Variants in UMODL1 observed in about 807,000 individuals in gnomAD.
UMODL1 encodes the protein uromodulin like 1.
UMODL1 carries 128 observed loss-of-function variants against 136.3 expected under a neutral mutation model. The ratio of observed to expected loss-of-function variants is 0.94; its 90% CI spans 0.81 to 1.09. UMODL1 has a LOEUF of 1.09. UMODL1 is among the 50% of genes least tolerant of loss of function. The pLI, the probability that UMODL1 is intolerant of heterozygous loss-of-function variation, is 0.00. For synonymous variants in UMODL1, 721 were observed against 720.0 expected (o/e 1.00, Z -0.02); for missense variants, 1,766 against 1,725.6 (o/e 1.02, Z -0.41).
Position 42,076,183 on chromosome 21 carries a change from C to T in UMODL1, c.255C>T (p.Pro85=), listed in dbSNP as rs1537116. Residue 85 remains proline (P), a synonymous_variant, in exon 2 of 23, where the codon CCC becomes CCT. Transcript: ENST00000408910. ...CACAGTACCTGGTAGTGGAGGTCCC[C>T]GAGTCCAGGAACGTGACTGACTGCT... ...YRTQYLVVEV[P]ESRNVTDCCE... The T allele has an allele frequency of 2.5e-3, 4,091 of 1,614,218 alleles. 10 individuals are homozygous for T. Among genetic ancestry groups the T allele is most frequent in the Non-Finnish European group, 3.1e-3 (3,626 of 1,180,036 alleles).
chr21:42,099,242 T>C lies in UMODL1; in HGVS notation c.1186+62T>C, dbSNP rs1018319003. ...AGCTTGTCTTTCTATCCCAGGTCTG[T>C]GGCCCTAGCATGTCGCGTTCTTCTT... On this transcript the variant is annotated intron_variant, in intron 7 of 22. Transcript: ENST00000408910. This position sits in a 1 kb window ranked among gnomAD's most constrained non-coding sequence, Gnocchi z 4.1. 6.3e-7 allele frequency: 1 copy of C among 1,582,500 alleles called. No homozygotes were observed. The highest frequency in any genetic ancestry group is 1.3e-5 in the African/African-American group (1 of 74,130).
At chr21:42,065,200 G>A (rs746993324) in intron 1 of UMODL1, among the ~76,000 whole-genome samples, 36 of 152,198 alleles carry the variant, frequency 2.4e-4, no homozygotes, top group Non-Finnish European at 4.9e-4. Flanking sequence ...GAGGGCTGGC[G>A]GGGAACGATC....
chr21:42,108,881 T>A (rs56743498), intron 9 of UMODL1, among the ~76,000 whole-genome samples: 41 of 76,982 alleles, frequency 5.3e-4, no homozygotes, highest in South Asian at 4.9e-4. Context: ...ACCCCCGGCG[T>A]GGGAAGTTCA....
upstream of UMODL1, among the ~76,000 whole-genome samples, chr21:42,069,846 T>C (rs555775798): frequency 4.0e-5 from 6 of 150,966 alleles, no homozygotes; most frequent in Non-Finnish European, 8.8e-5. Context: ...TTTTATTCTT[T>C]TAGTGTTAAT....
chr21:42,070,242 T>C (rs2066217994), upstream of UMODL1, among the ~76,000 whole-genome samples: 1 of 152,256 alleles, frequency 6.6e-6, no homozygotes. Flanking sequence ...TGAATCTTTG[T>C]TAATTCATCT....
chr21:42,085,579 T>A lies in UMODL1; in HGVS notation c.603+167T>A. The A allele has an allele frequency of 9.5e-7, 1 of 1,053,126 alleles. No individual in the cohort carries two copies. The highest frequency in any genetic ancestry group is 1.4e-6 in the Non-Finnish European group (1 of 729,230). 65.2% of individuals were successfully genotyped at this position (1,053,126 alleles called of 1,614,324 possible). ...AATTCTAGTTCTTAAAAAATCAGCTTCAAAGAGGTATGATTTACATGCAAC... is the reference window on the plus strand; with the variant it reads ...AATTCTAGTTCTTAAAAAATCAGCTACAAAGAGGTATGATTTACATGCAAC... On this transcript the variant is annotated intron_variant, in intron 4 of 22. Transcript: ENST00000408910. The surrounding 1 kb of genome is among the most constrained non-coding windows in gnomAD (Gnocchi z 4.5).
chr21:42,088,506 TGGGGAGG>T (rs2146447275), intron 5 of UMODL1, 26 bp downstream of exon 5: 2 of 1,575,280 alleles, frequency 1.3e-6, no homozygotes, highest in East Asian at 4.5e-5. Flanking sequence ...ATCCTCCCTC[TGGGGAGG>T]CTGCAGGGTG....
Position 42,122,702 on chromosome 21 carries a change from G to A in UMODL1, c.2828-129G>A. On this transcript the variant is annotated intron_variant, in intron 16 of 22. Coordinates refer to ENST00000408910, the MANE Select transcript of UMODL1 (RefSeq NM_001004416.3). This position sits in a 1 kb window ranked among gnomAD's most constrained non-coding sequence, Gnocchi z 4.3. The stretch of plus-strand genomic sequence containing the variant: ...GTGTGCACGTGTGTAGTTGTGGCTG[G>A]AACATGCGGTTCCCAGGTGTGGCTG... 2 of 862,072 alleles carry A rather than the reference G, an allele frequency of 2.3e-6. No individual in the cohort carries two copies. Among genetic ancestry groups the A allele is most frequent in the Non-Finnish European group, 3.5e-6 (2 of 574,870 alleles). The allele number at this position is 862,072 out of a possible 1,614,324, so 53.4% of individuals were successfully genotyped here.
intron 22 of UMODL1, among the ~76,000 whole-genome samples, chr21:42,140,987 G>T (rs1293860289): frequency 6.6e-6 from 1 of 152,200 alleles, no homozygotes; most frequent in Non-Finnish European, 1.5e-5. Flanking sequence ...AGGAGACATT[G>T]TCAATACCAG....
intron 7 of UMODL1, among the ~76,000 whole-genome samples, chr21:42,100,402 T>C (rs2066612222): frequency 6.6e-6 from 1 of 152,010 alleles, no homozygotes; most frequent in Non-Finnish European, 1.5e-5. Flanking sequence ...CCCTACACCC[T>C]TTTCAAACTG....
chr21:42,129,699 A>G lies in UMODL1; in HGVS notation c.3691-14A>G, dbSNP rs758816723. ...ATTAATTTGACGTTTCTCTTCTTGG[A>G]AAAAAAAAAACAGAATTGCAATAAC... is the stretch of plus-strand genomic sequence containing the variant. On this transcript the variant is annotated splice_polypyrimidine_tract_variant and intron_variant, in intron 20 of 22. Transcript: ENST00000408910. The G allele has an allele frequency of 4.1e-5, 39 of 943,780 alleles. No homozygotes were observed. Among genetic ancestry groups the G allele is most frequent in the East Asian group, 5.3e-5 (1 of 18,890 alleles). The allele number at this position is 943,780 out of a possible 1,614,324, so 58.5% of individuals were successfully genotyped here.
chr21:42,125,600 C>T (rs556291629), intron 17 of UMODL1, among the ~76,000 whole-genome samples: 7 of 152,344 alleles, frequency 4.6e-5, no homozygotes, highest in South Asian at 2.1e-4. Flanking sequence ...GCTTCTTAGA[C>T]GGCCACCTGG....
At chr21:42,073,192 G>T (rs1350938530) in intron 1 of UMODL1, among the ~76,000 whole-genome samples, 1 of 152,180 alleles carries the variant, frequency 6.6e-6, no homozygotes, top group East Asian at 1.9e-4. Context: ...GATGAAAAAC[G>T]CAAGCTAGAT....
At chr21:42,120,351 G>C (rs1203900485) in intron 15 of UMODL1, among the ~76,000 whole-genome samples, 1 of 152,184 alleles carries the variant, frequency 6.6e-6, no homozygotes, top group Non-Finnish European at 1.5e-5. Context: ...TTGTCCTAAG[G>C]AATTTGATCT....
rs573466645 is a variant in UMODL1, at chr21:42,115,967, A to G, written c.2457A>G (p.Leu819=). 13 of 1,613,472 alleles carry G rather than the reference A, an allele frequency of 8.1e-6. No individual in the cohort carries two copies. The South Asian group carries it at 1.1e-4, about 14-fold the overall frequency. Residue 819 remains leucine, a synonymous_variant, in exon 14 of 23, where the codon CTA becomes CTG. Coordinates refer to ENST00000408910, the MANE Select transcript of UMODL1 (RefSeq NM_001004416.3). ...NASSQEYRDF[L]ELFFRMVRGS... is the part of the protein sequence containing the mutation. ...GCAGCCAGGAGTATCGAGATTTCCT[A>G]GAACTATTCTTCAGGATGGTGAGTT...
Position 42,137,464 on chromosome 21 carries a change from C to A in UMODL1, c.3801C>A (p.Gly1267=). Residue 1267 remains glycine (G), a synonymous_variant, in exon 22 of 23, where the codon GGC becomes GGA. Coordinates refer to ENST00000408910, the MANE Select transcript of UMODL1 (RefSeq NM_001004416.3). Reference sequence around the variant, plus strand: ...GTGAGCCTCCTCATGCAGAAGCAGGCCTGGGTGCCGGTTATGTGGTCCTTA... The same window carrying A: ...GTGAGCCTCCTCATGCAGAAGCAGGACTGGGTGCCGGTTATGTGGTCCTTA... The part of the protein sequence containing the change: ...SEGEPPHAEA[G]LGAGYVVLIV... 1 of 1,614,250 alleles carries A rather than the reference C, an allele frequency of 6.2e-7. No homozygotes were observed. Among genetic ancestry groups the A allele is most frequent in the Non-Finnish European group, 8.5e-7 (1 of 1,180,046 alleles).
rs2067012759 is a variant in UMODL1, at chr21:42,123,745, T to G, written c.3147+595T>G. 6.6e-6 allele frequency among the ~76,000 whole-genome samples: 1 copy of G among 152,112 alleles called. No individual in the cohort carries two copies. Among genetic ancestry groups the G allele is most frequent in the South Asian group, 2.1e-4 (1 of 4,832 alleles). On this transcript the variant is annotated intron_variant, in intron 17 of 22. Transcript: ENST00000408910. This position sits in a 1 kb window ranked among gnomAD's most constrained non-coding sequence, Gnocchi z 4.4. Reference sequence around the variant, plus strand: ...ATGTGTCTATGTGCATGTGTGCATGTGTGCGTGAGTTGAGCATGTGTGGAT... The same window carrying G: ...ATGTGTCTATGTGCATGTGTGCATGGGTGCGTGAGTTGAGCATGTGTGGAT...
At chr21:42,120,410 TA>T (rs2066954328) in intron 15 of UMODL1, 1 of 152,234 alleles carries the variant, frequency 6.6e-6, no homozygotes, top group Non-Finnish European at 1.5e-5. Flanking sequence ...AGTGTTACTT[TA>T]AAAGCCAAAG....
rs532973530 is a variant in UMODL1, at chr21:42,121,288, T to C, written c.2827+64T>C. On this transcript the variant is annotated intron_variant, in intron 16 of 22. Transcript: ENST00000408910. ...CATAATCGGTTTTTTTTAAGGACAT[T>C]CACGTGCAAAGGGCTTCTTGTCCCT... 3.0e-5 allele frequency: 46 copies of C among 1,550,792 alleles called. No individual in the cohort carries two copies. The African/African-American group carries it at 4.0e-4, about 13-fold the overall frequency.
Sources: allele counts gnomAD v4.1 joint callset (sites outside exome capture counted in the v4.1 genomes callset), GRCh38; gene constraint gnomAD v4.1.1; non-coding constraint Gnocchi (gnomAD v3.1); transcripts MANE v1.5; gene names NCBI Gene and HGNC (gene_info 2026-07-23, HGNC 2026-07-21).